Variants in CERT1 observed in about 807,000 individuals in gnomAD.
CERT1 encodes ceramide transfer protein.
In CERT1, 31 loss-of-function variants were observed where a neutral mutation model predicts 87.9. That is an observed-to-expected ratio of 0.35 (90% CI 0.27 to 0.48). The LOEUF (loss-of-function observed/expected upper bound fraction) is 0.48. Ranked by LOEUF, CERT1 falls within the 20% of genes least tolerant of loss-of-function variation. The pLI is 0.99. For synonymous variants in CERT1, 289 were observed against 250.9 expected (o/e 1.15, Z -1.44); for missense variants, 487 against 758.0 (o/e 0.64, Z 4.20).
intron 3 of CERT1, among the ~76,000 whole-genome samples, chr5:75,437,499 C>G (rs1764144754): frequency 6.6e-6 from 1 of 152,124 alleles, no homozygotes; most frequent in African/African-American, 2.4e-5. Flanking sequence ...GGCATGATGG[C>G]TCACGCCTGT....
chr5:75,511,270 C>G lies in CERT1; in HGVS notation c.-63G>C, dbSNP rs768284318. On this transcript the variant is annotated 5_prime_UTR_variant, in exon 1 of 17. Transcript: ENST00000643780. ...CCCTCAGCTGCGCCGGAGGAGGCGC[C>G]CAGTCCTCGGGGTGAAGGGTCGGGG... The G allele has an allele frequency of 1.6e-5, 26 of 1,591,050 alleles. No homozygotes were observed. Among genetic ancestry groups the G allele is most frequent in the Non-Finnish European group, 1.9e-5 (22 of 1,168,896 alleles).
chr5:75,417,110 T>C, intron 6 of CERT1, 77 bp from the exon 7 acceptor site: 3 of 1,193,410 alleles, frequency 2.5e-6, no homozygotes, highest in Non-Finnish European at 3.5e-6. Context: ...AGAAAATGTT[T>C]AGAAAATTAG....
chr5:75,370,392 ATTAT>A (rs1281069228), intron 17 of CERT1: 11 of 152,186 alleles, frequency 7.2e-5, no homozygotes, highest in African/African-American at 2.2e-4. Context: ...AATAAATGAG[ATTAT>A]TTATTTATGA....
chr5:75,397,734 C>T (rs547922051), intron 11 of CERT1, among the ~76,000 whole-genome samples: 4 of 152,170 alleles, frequency 2.6e-5, no homozygotes, highest in Admixed American at 6.5e-5. Flanking sequence ...TAAAAACATA[C>T]GCAGGGCCGG....
At chr5:75,423,410 A>G (rs1204701228) in intron 5 of CERT1, among the ~76,000 whole-genome samples, 1 of 152,094 alleles carries the variant, frequency 6.6e-6, no homozygotes, top group Non-Finnish European at 1.5e-5. Context: ...CACATTAACG[A>G]ACCAAAACCT....
chr5:75,447,501 C>T (rs974989953), intron 3 of CERT1, among the ~76,000 whole-genome samples: 9 of 146,222 alleles, frequency 6.2e-5, no homozygotes, highest in Non-Finnish European at 1.3e-4. Flanking sequence ...GACGGAGTTT[C>T]GCTCTGTTGC....
chr5:75,386,974 T>G (rs1761815356), intron 12 of CERT1, among the ~76,000 whole-genome samples: 1 of 152,166 alleles, frequency 6.6e-6, no homozygotes, highest in South Asian at 2.1e-4. Flanking sequence ...TTCAAGCGAT[T>G]CTCCTGTCTC....
At chr5:75,510,135 G>A (rs1023943422) in intron 1 of CERT1, among the ~76,000 whole-genome samples, 2 of 152,282 alleles carry the variant, frequency 1.3e-5, no homozygotes, top group South Asian at 4.1e-4. Context: ...GCCACTGGCT[G>A]CACATGACAT....
intron 2 of CERT1, among the ~76,000 whole-genome samples, chr5:75,471,302 T>C (rs1765696284): frequency 6.6e-6 from 1 of 152,184 alleles, no homozygotes; most frequent in Admixed American, 6.5e-5. Context: ...GGACAGCATG[T>C]TACTCTACTG....
At chr5:75,487,470 G>A (rs956168296) in intron 2 of CERT1, among the ~76,000 whole-genome samples, 7 of 151,936 alleles carry the variant, frequency 4.6e-5, no homozygotes, top group Non-Finnish European at 1.0e-4. Flanking sequence ...GAGCAAAAAT[G>A]GACAAATGAG....
rs1478546460 is a variant in CERT1 at position 75,378,137 on chromosome 5, G to A, written c.*1209C>T. The A allele has an allele frequency of 1.3e-5, 2 of 152,156 alleles. No homozygotes were observed. The highest frequency in any genetic ancestry group is 2.9e-5 in the Non-Finnish European group (2 of 68,052). 9.4% of individuals were successfully genotyped at this position (152,156 alleles called of 1,614,324 possible). On this transcript the variant is annotated 3_prime_UTR_variant, in exon 17 of 17. Transcript: ENST00000643780. ...CTTACTTTAAAAAGTTAAAGATTTTGGGCTGAGTGCAGTGGCTCACGCCTG... is the reference window on the plus strand; with the variant it reads ...CTTACTTTAAAAAGTTAAAGATTTTAGGCTGAGTGCAGTGGCTCACGCCTG...
chr5:75,507,981 T>A lies in CERT1; in HGVS notation c.97-1865A>T, dbSNP rs369948925. On this transcript the variant is annotated intron_variant, in intron 1 of 16. Coordinates refer to ENST00000643780, the MANE Select transcript of CERT1 (RefSeq NM_001379029.1). ...CCAGTTCCTGTATTCCTTAGGAGAC[T>A]TAATAATTTTTTCTCTAGTATCTTC... Among the ~76,000 whole-genome samples, 208 of 152,340 alleles carry A rather than the reference T, an allele frequency of 1.4e-3. 1 individual carries two copies. The highest frequency in any genetic ancestry group is 7.0e-3 in the South Asian group (34 of 4,832).
chr5:75,461,820 T>TG (rs1765245058), intron 2 of CERT1, among the ~76,000 whole-genome samples: 3 of 82,274 alleles, frequency 3.6e-5, no homozygotes, highest in South Asian at 3.6e-4. Flanking sequence ...CTCAACAAAG[T>TG]GAAAAAAAAA....
chr5:75,411,607 C>T (rs1366576925), intron 7 of CERT1, among the ~76,000 whole-genome samples: 3 of 152,052 alleles, frequency 2.0e-5, no homozygotes, highest in Admixed American at 6.5e-5. Flanking sequence ...CCACTGCACC[C>T]GGCCACAACC....
chr5:75,409,244 C>T (rs1383870199), intron 8 of CERT1, among the ~76,000 whole-genome samples: 1 of 151,902 alleles, frequency 6.6e-6, no homozygotes, highest in Non-Finnish European at 1.5e-5. Context: ...CAGAGGATAG[C>T]TAATTATGTA....
intron 2 of CERT1, among the ~76,000 whole-genome samples, chr5:75,468,693 C>T (rs1765571707): frequency 6.6e-6 from 1 of 152,136 alleles, no homozygotes; most frequent in Non-Finnish European, 1.5e-5. Flanking sequence ...AGATTCTAGT[C>T]TATTGTTATA....
chr5:75,410,305 G>C (rs1198594752), intron 8 of CERT1, among the ~76,000 whole-genome samples: 1 of 152,102 alleles, frequency 6.6e-6, no homozygotes, highest in Admixed American at 6.6e-5. Context: ...TTTATGTTCA[G>C]CTATGGATAA....
intron 2 of CERT1, among the ~76,000 whole-genome samples, chr5:75,492,342 G>A (rs1052196477): frequency 6.6e-6 from 1 of 152,070 alleles, no homozygotes; most frequent in African/African-American, 2.4e-5. Flanking sequence ...CAGCCTGGAC[G>A]GCAGCATTAG....
At chr5:75,462,667 AAAC>A (rs1419696522) in intron 2 of CERT1, among the ~76,000 whole-genome samples, 2 of 152,154 alleles carry the variant, frequency 1.3e-5, no homozygotes, top group African/African-American at 4.8e-5. Flanking sequence ...AAAAAACAAA[AAAC>A]AGAGTTAAAA....
Sources: gnomAD v4.1 joint callset for allele counts (sites outside exome capture counted in the v4.1 genomes callset) on GRCh38, gnomAD v4.1.1 for gene constraint, MANE v1.5 for transcripts, NCBI Gene and HGNC (gene_info 2026-07-23, HGNC 2026-07-21) for gene names.